Variants in PTPRD observed in about 807,000 individuals in gnomAD.
The protein encoded by PTPRD is receptor-type tyrosine-protein phosphatase delta.
A neutral mutation model predicts 214.5 loss-of-function variants in PTPRD; 34 were observed. The ratio of observed to expected loss-of-function variants is 0.16; its 90% CI spans 0.12 to 0.21. PTPRD has a LOEUF of 0.21. Among genes scored for constraint, PTPRD ranks in the 10% least tolerant of loss-of-function variants. The pLI is 1.00. For synonymous variants in PTPRD, 1,128 were observed against 845.7 expected, an observed-to-expected ratio of 1.33 and a Z score of -5.79; for missense variants, 2,545 against 2,398.7, an observed-to-expected ratio of 1.06 and a Z score of -1.27.
intron 5 of PTPRD, among the ~76,000 whole-genome samples, chr9:9,772,245 G>A (rs749236040): frequency 6.6e-6 from 1 of 152,054 alleles, no homozygotes; most frequent in East Asian, 1.9e-4. Flanking sequence ...TACGAGACAA[G>A]GAGAAAGACT....
chr9:10,482,808 C>G lies in PTPRD; in HGVS notation c.-600+129590G>C, dbSNP rs551014316. Among the ~76,000 whole-genome samples, 19 of 152,190 alleles carry G rather than the reference C, an allele frequency of 1.2e-4. No individual in the cohort carries two copies. The South Asian group carries it at 2.5e-3, about 20-fold the overall frequency. ...TACAAAATTCTGCTGAAAGAAATCA[C>G]AGATGACACGAACAAATGGAAAGAA... On this transcript the variant is annotated intron_variant, in intron 2 of 45. Transcript: ENST00000381196.
intron 4 of PTPRD, among the ~76,000 whole-genome samples, chr9:9,942,320 A>T (rs77650431): frequency 0.037 from 5,650 of 152,262 alleles, 155 homozygotes; most frequent in East Asian, 0.16. Flanking sequence ...TCAGTAAATA[A>T]AAAGCATCTT....
intron 4 of PTPRD, among the ~76,000 whole-genome samples, chr9:9,960,608 T>G (rs974449268): frequency 6.6e-6 from 1 of 152,118 alleles, no homozygotes; most frequent in Non-Finnish European, 1.5e-5. Flanking sequence ...ACCTCTGTGG[T>G]ATTTCCTCCC....
chr9:9,888,712 A>G (rs1455280970), intron 5 of PTPRD, among the ~76,000 whole-genome samples: 1 of 152,140 alleles, frequency 6.6e-6, no homozygotes, highest in African/African-American at 2.4e-5. Flanking sequence ...CATGCTTCTC[A>G]TATGGCTGAA....
intron 6 of PTPRD, among the ~76,000 whole-genome samples, chr9:9,762,502 T>C (rs931564036): frequency 2.0e-5 from 3 of 152,162 alleles, no homozygotes; most frequent in Non-Finnish European, 4.4e-5. Context: ...CATTTTACCA[T>C]AGCAATCAAG....
intron 35 of PTPRD, among the ~76,000 whole-genome samples, chr9:8,435,529 A>C (rs745432818): frequency 4.6e-5 from 7 of 152,188 alleles, no homozygotes; most frequent in Admixed American, 1.3e-4. Flanking sequence ...TATATCTACA[A>C]GATTTTAGTT....
At chr9:10,340,232 A>G (rs958807849) in intron 3 of PTPRD, among the ~76,000 whole-genome samples, 9 of 151,828 alleles carry the variant, frequency 5.9e-5, no homozygotes, top group African/African-American at 1.9e-4. Context: ...GTTTTTCCCC[A>G]TGTTTACAAA....
chr9:10,273,436 A>G (rs1163482666), intron 3 of PTPRD, among the ~76,000 whole-genome samples: 1 of 152,134 alleles, frequency 6.6e-6, no homozygotes, highest in Non-Finnish European at 1.5e-5. Context: ...ACTACATTAG[A>G]TATGGTATAT....
At chr9:9,523,673 T>C (rs1282335574) in intron 8 of PTPRD, among the ~76,000 whole-genome samples, 1 of 152,170 alleles carries the variant, frequency 6.6e-6, no homozygotes. Flanking sequence ...ACTCATTTAC[T>C]TGAGGCACTT....
chr9:9,447,571 G>C (rs2090863500), intron 8 of PTPRD, among the ~76,000 whole-genome samples: 1 of 151,966 alleles, frequency 6.6e-6, no homozygotes. Context: ...AATGGGTACT[G>C]GGTTTAATAC....
At chr9:9,390,421 T>C (rs568411634) in intron 9 of PTPRD, among the ~76,000 whole-genome samples, 9 of 152,182 alleles carry the variant, frequency 5.9e-5, no homozygotes, top group Non-Finnish European at 1.0e-4. Context: ...CATGAAATAC[T>C]CGTCCACTCT....
intron 5 of PTPRD, among the ~76,000 whole-genome samples, chr9:9,779,359 G>A (rs1405560218): frequency 4.6e-5 from 7 of 152,084 alleles, no homozygotes; most frequent in East Asian, 1.9e-4. Context: ...TAAGTGGCAT[G>A]GGATAAACTA....
At chr9:8,883,440 G>C (rs1486413725) in intron 11 of PTPRD, among the ~76,000 whole-genome samples, 1 of 152,168 alleles carries the variant, frequency 6.6e-6, no homozygotes, top group Non-Finnish European at 1.5e-5. Flanking sequence ...AGTGTTGTTA[G>C]ACTTAATCAG....
chr9:9,007,438 C>T (rs2099481401), intron 11 of PTPRD, among the ~76,000 whole-genome samples: 1 of 150,174 alleles, frequency 6.7e-6, no homozygotes, highest in Non-Finnish European at 1.5e-5. Context: ...ACAACTATAC[C>T]TTCAATACAA....
At chr9:8,646,870 CA>C (rs1433565665) in intron 12 of PTPRD, among the ~76,000 whole-genome samples, 1 of 152,166 alleles carries the variant, frequency 6.6e-6, no homozygotes, top group Admixed American at 6.5e-5. Flanking sequence ...AAGGCTGTCC[CA>C]GATACTATCC....
chr9:9,720,324 A>G (rs888480892), intron 7 of PTPRD, among the ~76,000 whole-genome samples: 4 of 152,236 alleles, frequency 2.6e-5, no homozygotes, highest in African/African-American at 9.6e-5. Flanking sequence ...TCACAGAAGA[A>G]GTCAGTATTA....
chr9:9,381,518 A>T (rs1214990666), intron 9 of PTPRD, among the ~76,000 whole-genome samples: 1 of 151,342 alleles, frequency 6.6e-6, no homozygotes, highest in South Asian at 2.1e-4. Context: ...GCACCACCAT[A>T]CCCGGCTAAT....
chr9:8,521,325 T>C lies in PTPRD; in HGVS notation c.913A>G (p.Met305Val), dbSNP rs1335469081. 1.9e-6 allele frequency: 3 copies of C among 1,613,854 alleles called. No individual in the cohort carries two copies. The highest frequency in any genetic ancestry group is 1.7e-5 in the Admixed American group (1 of 59,990). ...RQSANYTCVA[M>V]STLGVIEAIA... is the part of the protein sequence containing the mutation. ...GCTTCAATGACACCCAGTGTTGACA[T>C]AGCAACACAGGTGTAATTTGCTGAC... Residue 305 changes from methionine to valine, a missense_variant, in exon 20 of 46, where the codon ATG (methionine) becomes GTG (valine). Coordinates refer to ENST00000381196, the MANE Select transcript of PTPRD (RefSeq NM_002839.4).
At chr9:8,769,221 G>A (rs1174843338) in intron 11 of PTPRD, among the ~76,000 whole-genome samples, 2 of 152,168 alleles carry the variant, frequency 1.3e-5, no homozygotes, top group African/African-American at 4.8e-5. Flanking sequence ...AAACATTTGT[G>A]TCTAGTATTT....
Sources: allele counts gnomAD v4.1 joint callset (sites outside exome capture counted in the v4.1 genomes callset), GRCh38; gene constraint gnomAD v4.1.1; transcripts MANE v1.5; gene names NCBI Gene and HGNC (gene_info 2026-07-23, HGNC 2026-07-21).